The following DNA2 variants were observed in gnomAD, a reference collection of about 807,000 sequenced individuals.
DNA2 encodes DNA replication ATP-dependent helicase/nuclease DNA2.
DNA2 carries 101 observed loss-of-function variants against 119.1 expected under a neutral mutation model. That is an observed-to-expected ratio of 0.85 (90% CI 0.72 to 1.00). The LOEUF is 1.00. Among genes scored for constraint, DNA2 ranks in the 50% least tolerant of loss-of-function variants. The pLI, the probability that DNA2 is intolerant of heterozygous loss-of-function variation, is 0.00. For synonymous variants in DNA2, 366 were observed against 424.4 expected, an observed-to-expected ratio of 0.86 and a Z score of 1.69; for missense variants, 1,121 against 1,255.5, an observed-to-expected ratio of 0.89 and a Z score of 1.62.
At chr10:68,419,701 T>A in intron 18 of DNA2, 102 bp downstream of exon 18, 2 of 828,330 alleles carry the variant, frequency 2.4e-6, no homozygotes, top group African/African-American at 1.7e-5. Flanking sequence ...CCCCCCCTTA[T>A]CTTAATAAAC....
rs374807258 is a variant in DNA2, at chr10:68,432,403, G to A, written c.1754C>T (p.Thr585Met). Residue 585 changes from threonine to methionine, a missense_variant, in exon 11 of 21, where the codon ACG (threonine) becomes ATG (methionine). Thr to Met is a moderately conservative substitution (Grantham distance 81). Transcript: ENST00000358410. ...GCTCATTGTTACAAACCTGACAAAC[G>A]TGTTTTCCATCAATTTGGAAAGATT... ...LGNLSKLMENTFVSKKLRDLI... is the reference protein window; with the variant it reads ...LGNLSKLMENMFVSKKLRDLI... The A allele has an allele frequency of 8.8e-6, 14 of 1,589,824 alleles. No individual in the cohort carries two copies. The highest frequency in any genetic ancestry group is 3.5e-5 in the Admixed American group (2 of 57,274).
chr10:68,418,440 G>T, intron 19 of DNA2, among the ~76,000 whole-genome samples: 2 of 147,848 alleles, frequency 1.4e-5, no homozygotes. Context: ...TAAGATGTAT[G>T]TTTTATGTGT....
At position 68,434,589 on chromosome 10, in the gene DNA2, C is replaced by A. The variant is rs556310465; in HGVS notation, c.1647-2079G>T. ...ACTGCTTGATCCCAGGAAGTCCAGG[C>A]TGCAGTGAACTGTGATCATGCCACT... On this transcript the variant is annotated intron_variant, in intron 10 of 20. Transcript: ENST00000358410. 4.6e-5 allele frequency among the ~76,000 whole-genome samples: 7 copies of A among 152,080 alleles called. No individual in the cohort carries two copies. The East Asian group carries it at 1.4e-3, about 29-fold the overall frequency.
intron 5 of DNA2, among the ~76,000 whole-genome samples, chr10:68,455,666 C>T (rs191945367): frequency 6.6e-6 from 1 of 151,812 alleles, no homozygotes; most frequent in African/African-American, 2.4e-5. Context: ...ACTAAAAATA[C>T]AAAAATTAGC....
intron 9 of DNA2, among the ~76,000 whole-genome samples, chr10:68,440,935 CTT>C (rs2133394198): frequency 6.6e-6 from 1 of 152,284 alleles, no homozygotes; most frequent in Non-Finnish European, 1.5e-5. Context: ...AATCTCAACA[CTT>C]TGGGAGGCCA....
chr10:68,446,256 G>A (rs975198417), intron 7 of DNA2, 40 bp downstream of exon 7: 17 of 1,068,502 alleles, frequency 1.6e-5, no homozygotes, highest in East Asian at 1.3e-4. Context: ...GAAGTGGGGG[G>A]GTGGGCAAAG....
At chr10:68,431,197 C>T (rs1162247922) in intron 13 of DNA2, among the ~76,000 whole-genome samples, 2 of 119,516 alleles carry the variant, frequency 1.7e-5, no homozygotes, top group Non-Finnish European at 3.2e-5. Flanking sequence ...CTCACGTTAA[C>T]AAGACTCCAT....
intron 3 of DNA2, among the ~76,000 whole-genome samples, chr10:68,467,673 C>A (rs1008051666): frequency 2.0e-5 from 3 of 152,078 alleles, no homozygotes; most frequent in African/African-American, 7.2e-5. Flanking sequence ...GCCTCAGCCT[C>A]CTGAGTAGCT....
At chr10:68,455,754 G>C (rs1365308219) in intron 5 of DNA2, among the ~76,000 whole-genome samples, 2 of 152,104 alleles carry the variant, frequency 1.3e-5, no homozygotes, top group East Asian at 3.9e-4. Flanking sequence ...CCAGGAAGCA[G>C]AGGTTGCAGT....
intron 5 of DNA2, among the ~76,000 whole-genome samples, chr10:68,458,735 C>T (rs1374705901): frequency 1.3e-5 from 2 of 150,686 alleles, no homozygotes; most frequent in Non-Finnish European, 3.0e-5. Flanking sequence ...GTAATCCCAC[C>T]TACTTGGGAG....
At chr10:68,459,312 T>C in intron 4 of DNA2, 77 bp from the exon 5 acceptor site, 3 of 1,386,920 alleles carry the variant, frequency 2.2e-6, no homozygotes, top group Non-Finnish European at 2.9e-6. Context: ...TATGAAAGTA[T>C]AAATATGAGA....
chr10:68,454,041 T>C (rs541070198), intron 5 of DNA2, among the ~76,000 whole-genome samples: 63 of 152,318 alleles, frequency 4.1e-4, no homozygotes, highest in African/African-American at 1.5e-3. Flanking sequence ...AGGATGCAAA[T>C]CCCTTGCTGA....
intron 9 of DNA2, among the ~76,000 whole-genome samples, chr10:68,441,844 C>CAATATAT (rs74196592): frequency 0.3 from 44,961 of 151,758 alleles, 7,828 homozygotes; most frequent in African/African-American, 0.48. Flanking sequence ...CCAATATATA[C>CAATATAT]AACAATTTAC....
intron 14 of DNA2, among the ~76,000 whole-genome samples, chr10:68,425,872 C>CTTGA (rs764260513): frequency 6.6e-6 from 1 of 151,628 alleles, no homozygotes; most frequent in Non-Finnish European, 1.5e-5. Context: ...CTGTGTCTCA[C>CTTGA]ACCTGTAATA....
intron 5 of DNA2, among the ~76,000 whole-genome samples, chr10:68,453,085 A>G (rs2052141318): frequency 6.6e-6 from 1 of 151,408 alleles, no homozygotes; most frequent in African/African-American, 2.4e-5. Context: ...ATTTTTTAGT[A>G]GAGATAGGGT....
rs2051832070 is a variant in DNA2, at chr10:68,432,253, G to C, written c.1826C>G (p.Ser609Cys). Residue 609 changes from serine to cysteine, a missense_variant, in exon 12 of 21, where the codon TCT becomes TGT. Physicochemically the swap from Ser to Cys is moderately radical, Grantham distance 112. Transcript: ENST00000358410. ...REPQFISYLS[S>C]VLPHDAKDTV... ...ATCCTTTGCATCATGTGGAAGAACA[G>C]AACTAAGGTAGGATATAAACTGAGG... is the stretch of plus-strand genomic sequence containing the variant. The C allele has an allele frequency of 1.9e-6, 3 of 1,609,262 alleles. No homozygotes were observed. Among genetic ancestry groups the C allele is most frequent in the Non-Finnish European group, 2.5e-6 (3 of 1,178,382 alleles).
chr10:68,458,967 A>G, intron 5 of DNA2, 137 bp downstream of exon 5: 1 of 716,764 alleles, frequency 1.4e-6, no homozygotes. Context: ...GATACTTAGG[A>G]CCATAATTTA....
At chr10:68,468,983 G>A (rs1008964007) in intron 2 of DNA2, among the ~76,000 whole-genome samples, 3 of 152,000 alleles carry the variant, frequency 2.0e-5, no homozygotes, top group Non-Finnish European at 4.4e-5. Context: ...CCAGGAAGCG[G>A]AGGTTGCAGT....
chr10:68,442,812 T>C, intron 9 of DNA2, 105 bp downstream of exon 9: 1 of 948,918 alleles, frequency 1.1e-6, no homozygotes, highest in Non-Finnish European at 1.5e-6. Context: ...GAAATCACGT[T>C]ATCTATAACA....
Sources: allele counts gnomAD v4.1 joint callset (sites outside exome capture counted in the v4.1 genomes callset), GRCh38; gene constraint gnomAD v4.1.1; transcripts MANE v1.5; gene names NCBI Gene and HGNC (gene_info 2026-07-23, HGNC 2026-07-21).